Variants in TRAK1 observed in about 807,000 individuals in gnomAD.
TRAK1 encodes trafficking kinesin-binding protein 1.
Under a neutral mutation model 92.1 loss-of-function variants are expected in TRAK1, and 33 were observed. The observed-to-expected ratio is 0.36, with a 90% CI of 0.27 to 0.48. The LOEUF (loss-of-function observed/expected upper bound fraction) is 0.48, where lower values mean the gene tolerates loss of function less well. Ranked by LOEUF, TRAK1 falls within the 20% of genes least tolerant of loss-of-function variation. TRAK1 has a pLI of 0.99. For synonymous variants in TRAK1, 521 were observed against 517.3 expected (o/e 1.01, Z -0.10); for missense variants, 1,123 against 1,257.9 (o/e 0.89, Z 1.62).
chr3:42,212,446 T>C, intron 14 of TRAK1: 22 of 985,450 alleles, frequency 2.2e-5, no homozygotes, highest in Non-Finnish European at 2.7e-5. Context: ...GTCCAGAGCC[T>C]GCTGTCCCAT....
At position 42,191,895 on chromosome 3, in the gene TRAK1, A is replaced by ATTTTTTTTTTTTTTTTT. The variant is rs68023368; in HGVS notation, c.769+266_769+282dup. Among the ~76,000 whole-genome samples the ATTTTTTTTTTTTTTTTT allele has an allele frequency of 1.2e-4, 9 of 72,762 alleles. 2 individuals carry two copies. Among genetic ancestry groups the ATTTTTTTTTTTTTTTTT allele is most frequent in the African/African-American group, 2.9e-4 (5 of 17,230 alleles). 47.7% of individuals were successfully genotyped at this position (72,762 alleles called of 152,430 possible). ...TTTGGCTTTATACTGGAATATTGGA[A>ATTTTTTTTTTTTTTTTT]TTTTTTTTTTTTTTTTTTTTTTTGA... On this transcript the variant is annotated intron_variant, in intron 7 of 15. Transcript: ENST00000327628.
intron 10 of TRAK1, among the ~76,000 whole-genome samples, chr3:42,195,792 G>A (rs1706524878): frequency 2.0e-5 from 3 of 152,228 alleles, no homozygotes; most frequent in Non-Finnish European, 4.4e-5. Context: ...GGCACAGATG[G>A]GTGATCCAGT....
chr3:42,216,668 A>G (rs948590281), intron 14 of TRAK1, among the ~76,000 whole-genome samples: 2 of 152,238 alleles, frequency 1.3e-5, no homozygotes, highest in African/African-American at 4.8e-5. Context: ...TTTAAAGCGT[A>G]TCACATTTTG....
intron 1 of TRAK1, among the ~76,000 whole-genome samples, chr3:42,021,016 G>A (rs1701703009): frequency 6.6e-6 from 1 of 152,202 alleles, no homozygotes; most frequent in Non-Finnish European, 1.5e-5. Context: ...ACAGATTCTT[G>A]TCATGTTCGG....
intron 2 of TRAK1, among the ~76,000 whole-genome samples, chr3:42,143,842 G>A (rs1455280637): frequency 6.6e-6 from 1 of 152,158 alleles, no homozygotes; most frequent in Non-Finnish European, 1.5e-5. Context: ...GATTTTAATT[G>A]TGAAACTCTT....
At chr3:42,179,637 G>A (rs1293398115) in intron 3 of TRAK1, among the ~76,000 whole-genome samples, 1 of 152,188 alleles carries the variant, frequency 6.6e-6, no homozygotes, top group East Asian at 1.9e-4. Flanking sequence ...TCTCTAGTGG[G>A]TGTGTCAGTC....
upstream of TRAK1, chr3:42,087,258 G>C (rs1704723432): frequency 6.5e-6 from 1 of 152,756 alleles, no homozygotes; most frequent in African/African-American, 2.4e-5. Flanking sequence ...ACGACACTTT[G>C]GCCAACTCCG....
Position 42,202,527 on chromosome 3 carries a change from G to A in TRAK1, c.1519G>A (p.Glu507Lys). 1 of 1,550,324 alleles carries A rather than the reference G, an allele frequency of 6.5e-7. No individual in the cohort carries two copies. Among genetic ancestry groups the A allele is most frequent in the Non-Finnish European group, 8.8e-7 (1 of 1,141,418 alleles). ...GCTGAGGCGGCTGTCCCTGCGCCGGGAGAACTACCTCTCGGAGAGGAGGTT... is the reference window on the plus strand; with the variant it reads ...GCTGAGGCGGCTGTCCCTGCGCCGGAAGAACTACCTCTCGGAGAGGAGGTT... Reference protein sequence around the residue: ...TALRRLSLRRENYLSERRFFE... With the variant: ...TALRRLSLRRKNYLSERRFFE... Residue 507 changes from glutamate to lysine, a missense_variant, in exon 13 of 16, where the codon GAG (glutamate) becomes AAG (lysine). Physicochemically the swap from Glu to Lys is moderately conservative, Grantham distance 56. Around this residue, in one of 3 missense-constraint regions of TRAK1, gnomAD observed 686 missense variants for 747.6 expected, o/e 0.92. Transcript: ENST00000327628. This position sits in a 1 kb window ranked among gnomAD's most constrained non-coding sequence, Gnocchi z 6.1.
At chr3:42,220,138 A>G (rs554466418) in intron 15 of TRAK1, among the ~76,000 whole-genome samples, 2 of 152,224 alleles carry the variant, frequency 1.3e-5, no homozygotes, top group Non-Finnish European at 2.9e-5. Flanking sequence ...GGATGGAGTT[A>G]CTGAGCCCTG....
At chr3:42,047,922 C>CTT (rs11422406) in intron 1 of TRAK1, among the ~76,000 whole-genome samples, 14,076 of 129,076 alleles carry the variant, frequency 0.11, 790 homozygotes, top group African/African-American at 0.12. Flanking sequence ...AGTTTCTTTT[C>CTT]TTTTTTTTTT....
chr3:42,061,876 G>A (rs886293653), intron 1 of TRAK1, among the ~76,000 whole-genome samples: 2 of 152,182 alleles, frequency 1.3e-5, no homozygotes, highest in Non-Finnish European at 2.9e-5. Context: ...TTTTGGAAAC[G>A]GATATTCAAT....
At chr3:42,136,948 GGAT>G (rs1429272027) in intron 2 of TRAK1, among the ~76,000 whole-genome samples, 2 of 152,132 alleles carry the variant, frequency 1.3e-5, no homozygotes, top group South Asian at 4.2e-4. Context: ...CAAAGTGCTG[GGAT>G]TACAGGCGTG....
intron 1 of TRAK1, among the ~76,000 whole-genome samples, chr3:42,078,333 G>A (rs146002417): frequency 7.7e-4 from 118 of 152,288 alleles, no homozygotes; most frequent in African/African-American, 2.5e-3. Flanking sequence ...GGACTGTGCC[G>A]TGCAGATGGA....
intron 1 of TRAK1, among the ~76,000 whole-genome samples, chr3:42,021,778 G>T (rs746003744): frequency 1.3e-5 from 2 of 152,042 alleles, no homozygotes; most frequent in Non-Finnish European, 2.9e-5. Context: ...GTTTTACTGT[G>T]TTGGCCAGAC....
At chr3:42,120,175 G>T (rs1488553489) in intron 1 of TRAK1, among the ~76,000 whole-genome samples, 1 of 152,208 alleles carries the variant, frequency 6.6e-6, no homozygotes, top group East Asian at 1.9e-4. Flanking sequence ...CTCTCCTTAT[G>T]GTTGAGCCTG....
intron 1 of TRAK1, among the ~76,000 whole-genome samples, chr3:42,100,302 G>A (rs1216527026): frequency 1.3e-5 from 2 of 152,118 alleles, no homozygotes; most frequent in Non-Finnish European, 2.9e-5. Context: ...AGGGTGTAGA[G>A]GCCACAGTGC....
chr3:42,092,921 A>G (rs780235976), intron 1 of TRAK1, among the ~76,000 whole-genome samples: 2 of 152,132 alleles, frequency 1.3e-5, no homozygotes, highest in African/African-American at 4.8e-5. Flanking sequence ...GATTTAAGCC[A>G]TAAAACTTGA....
At chr3:42,134,298 CCTTAAT>C (rs1482518232) in intron 2 of TRAK1, among the ~76,000 whole-genome samples, 2 of 150,022 alleles carry the variant, frequency 1.3e-5, no homozygotes, top group Non-Finnish European at 3.0e-5. Context: ...CCTTACCTTA[CCTTAAT>C]CTTGCTCTGT....
intron 1 of TRAK1, among the ~76,000 whole-genome samples, chr3:42,114,585 C>T (rs1708918127): frequency 6.6e-6 from 1 of 152,192 alleles, no homozygotes; most frequent in South Asian, 2.1e-4. Flanking sequence ...CAATTTACAC[C>T]AGCTCCATCT....
Sources: allele counts gnomAD v4.1 joint callset (sites outside exome capture counted in the v4.1 genomes callset), GRCh38; gene constraint gnomAD v4.1.1; regional missense constraint gnomAD v4.1.1; non-coding constraint Gnocchi (gnomAD v3.1); transcripts MANE v1.5; gene names NCBI Gene and HGNC (gene_info 2026-07-23, HGNC 2026-07-21).